SLC1A7: variants seen among roughly 807,000 people sequenced by gnomAD.
The protein encoded by SLC1A7 is solute carrier family 1 member 7.
In SLC1A7, 40 loss-of-function variants were observed where a neutral mutation model predicts 47.7. The observed-to-expected ratio is 0.84, with a 90% confidence interval of 0.65 to 1.09. SLC1A7 has a LOEUF of 1.09. Ranked by LOEUF, SLC1A7 falls within the 50% of genes least tolerant of loss-of-function variation. SLC1A7 has a pLI of 0.00. For synonymous variants in SLC1A7, 323 were observed against 325.6 expected, an observed-to-expected ratio of 0.99 and a Z score of 0.09; for missense variants, 746 against 769.5, an observed-to-expected ratio of 0.97 and a Z score of 0.36.
At chr1:53,089,662 G>T in intron 9 of SLC1A7, 138 bp downstream of exon 9, 1 of 836,856 alleles carries the variant, frequency 1.2e-6, no homozygotes, top group Non-Finnish European at 1.9e-6. Context: ...CTAATGAGTA[G>T]GGCACTCCCA....
intron 2 of SLC1A7, among the ~76,000 whole-genome samples, chr1:53,126,126 C>T (rs898922673): frequency 6.6e-6 from 1 of 152,164 alleles, no homozygotes; most frequent in Non-Finnish European, 1.5e-5. Context: ...AAGCAAACAC[C>T]AGATGAGAGC....
At position 53,142,498 on chromosome 1, in the gene SLC1A7, G is replaced by T; in HGVS notation, c.-49C>A. 1 of 1,593,750 alleles carries T rather than the reference G, an allele frequency of 6.3e-7. No homozygotes were observed. Among genetic ancestry groups the T allele is most frequent in the Non-Finnish European group, 8.5e-7 (1 of 1,170,600 alleles). On this transcript the variant is annotated 5_prime_UTR_variant, in exon 1 of 11. Transcript: ENST00000371494. ...GGGCACAGCACCATTCCACGCATGA[G>T]AGCCCGGCCGGGGGCACAGGGTCTG...
Position 53,087,903 on chromosome 1 carries a change from T to C in SLC1A7, c.*106A>G. 3.7e-6 allele frequency: 2 copies of C among 542,862 alleles called. No individual in the cohort carries two copies. The highest frequency in any genetic ancestry group is 6.2e-6 in the Non-Finnish European group (2 of 322,400). The allele number at this position is 542,862 out of a possible 1,614,324, so 33.6% of individuals were successfully genotyped here. A position where few individuals can be genotyped will look rare whatever the true frequency, so the allele number is the denominator to read the frequency against. Reference sequence around the variant, plus strand: ...TCCAGCCTCTCAAGGGTGAGAAGAATGTGTGATCCTGGCCCCTGCCGGCTG... The same window carrying C: ...TCCAGCCTCTCAAGGGTGAGAAGAACGTGTGATCCTGGCCCCTGCCGGCTG... On this transcript the variant is annotated 3_prime_UTR_variant, in exon 11 of 11. Coordinates refer to ENST00000371494, the MANE Select transcript of SLC1A7 (RefSeq NM_006671.6).
chr1:53,094,318 C>A (rs1251552871), intron 5 of SLC1A7, among the ~76,000 whole-genome samples: 1 of 152,190 alleles, frequency 6.6e-6, no homozygotes, highest in Admixed American at 6.5e-5. Context: ...CCAGCTCGCA[C>A]ACACCAGGAA....
At chr1:53,139,520 A>G (rs1645034884) in intron 1 of SLC1A7, among the ~76,000 whole-genome samples, 1 of 152,182 alleles carries the variant, frequency 6.6e-6, no homozygotes, top group Non-Finnish European at 1.5e-5. Context: ...GAGTCCCCCA[A>G]CTGAATTGGA....
At chr1:53,137,754 C>T (rs1359206008) in intron 1 of SLC1A7, among the ~76,000 whole-genome samples, 1 of 152,198 alleles carries the variant, frequency 6.6e-6, no homozygotes, top group Admixed American at 6.5e-5. Context: ...GTATTTTCTG[C>T]TCTCTCAAGC....
chr1:53,128,072 G>A (rs760569565), intron 2 of SLC1A7, among the ~76,000 whole-genome samples: 1 of 152,230 alleles, frequency 6.6e-6, no homozygotes, highest in Non-Finnish European at 1.5e-5. Flanking sequence ...AGAGAACCAG[G>A]AGATAACTGA....
chr1:53,103,148 G>T (rs1644602000), intron 5 of SLC1A7, 198 bp downstream of exon 5: 2 of 520,844 alleles, frequency 3.8e-6, no homozygotes, highest in Non-Finnish European at 3.4e-6. Context: ...CTGAGGGGGA[G>T]GTGCCAGGGG....
intron 5 of SLC1A7, among the ~76,000 whole-genome samples, chr1:53,095,995 C>CAT (rs1644484119): frequency 6.7e-6 from 1 of 149,192 alleles, no homozygotes; most frequent in Admixed American, 6.7e-5. Flanking sequence ...TACACACACA[C>CAT]CCCGCCTCAG....
At position 53,090,247 on chromosome 1, in the gene SLC1A7, C is replaced by A. The variant is rs1048483264; in HGVS notation, c.1227-313G>T. ...CTGCCCAGGGACTCTGACTGACCAC[C>A]ACATGGCTCTGCCTGCCTGCCTCTG... is the stretch of plus-strand genomic sequence containing the variant. On this transcript the variant is annotated intron_variant, in intron 8 of 10. Transcript: ENST00000371494. 2.0e-5 allele frequency: 11 copies of A among 548,190 alleles called. No individual in the cohort carries two copies. The African/African-American group carries it at 2.1e-4, about 10-fold the overall frequency. The allele number at this position is 548,190 out of a possible 1,614,324, so 34.0% of individuals were successfully genotyped here.
chr1:53,091,939 G>A, intron 7 of SLC1A7, among the ~76,000 whole-genome samples: 1 of 152,234 alleles, frequency 6.6e-6, no homozygotes, highest in East Asian at 1.9e-4. Flanking sequence ...GCACTGGGCT[G>A]AGGTTTGGGA....
rs58852734 is a variant in SLC1A7 at position 53,136,666 on chromosome 1, A to ATTTTT, written c.136-2242_136-2238dup. On this transcript the variant is annotated intron_variant, in intron 1 of 10. Transcript: ENST00000371494. The stretch of plus-strand genomic sequence containing the variant: ...ACATATATATATTATATATATATAT[A>ATTTTT]TTTTTTTTTTTTTTTTTTGAGACAA... Among the ~76,000 whole-genome samples, 153 of 105,380 alleles carry ATTTTT rather than the reference A, an allele frequency of 1.5e-3. 2 individuals carry two copies. The highest frequency in any genetic ancestry group is 5.3e-3 in the African/African-American group (137 of 25,720). 69.1% of individuals were successfully genotyped at this position (105,380 alleles called of 152,430 possible).
intron 1 of SLC1A7, among the ~76,000 whole-genome samples, chr1:53,141,056 C>A (rs537652269): frequency 6.6e-6 from 1 of 152,192 alleles, no homozygotes; most frequent in Non-Finnish European, 1.5e-5. Flanking sequence ...ATTGACAAAG[C>A]CTCTCTCCTT....
At chr1:53,117,406 T>C (rs1157340027) in intron 2 of SLC1A7, among the ~76,000 whole-genome samples, 1 of 152,134 alleles carries the variant, frequency 6.6e-6, no homozygotes, top group East Asian at 1.9e-4. Context: ...TTTGAGAAGA[T>C]CAAAGTACAC....
At chr1:53,129,457 T>G (rs1274172315) in intron 2 of SLC1A7, among the ~76,000 whole-genome samples, 3 of 94,764 alleles carry the variant, frequency 3.2e-5, no homozygotes, top group Admixed American at 1.1e-4. Context: ...CCCGCCACAT[T>G]GTGACAGATG....
At position 53,142,560 on chromosome 1, in the gene SLC1A7, G is replaced by A. The variant is rs1023701781; in HGVS notation, c.-111C>T. ...CTAGCCCCTCAGCAGGCAGGTGGTC[G>A]GAGTTGCTAAACACCAGTCGCCAGC... On this transcript the variant is annotated 5_prime_UTR_variant, in exon 1 of 11. Transcript: ENST00000371494. 18 of 1,312,198 alleles carry A rather than the reference G, an allele frequency of 1.4e-5. No individual in the cohort carries two copies. Among genetic ancestry groups the A allele is most frequent in the South Asian group, 3.0e-5 (2 of 67,114 alleles). The allele number at this position is 1,312,198 out of a possible 1,614,324, so 81.3% of individuals were successfully genotyped here. A position where few individuals can be genotyped will look rare whatever the true frequency, so the allele number is the denominator to read the frequency against.
At chr1:53,127,202 C>A (rs767277002) in intron 2 of SLC1A7, among the ~76,000 whole-genome samples, 10 of 152,154 alleles carry the variant, frequency 6.6e-5, no homozygotes, top group Non-Finnish European at 1.0e-4. Context: ...GCTGCCGCTG[C>A]CCTCTGCTGC....
At chr1:53,104,412 G>A (rs1407026030) in intron 4 of SLC1A7, among the ~76,000 whole-genome samples, 1 of 152,202 alleles carries the variant, frequency 6.6e-6, no homozygotes, top group Non-Finnish European at 1.5e-5. Flanking sequence ...AACCTGACAT[G>A]ATTTCTGCCT....
chr1:53,088,460 T>C (rs1222637237), intron 10 of SLC1A7, among the ~76,000 whole-genome samples: 1 of 152,024 alleles, frequency 6.6e-6, no homozygotes, highest in East Asian at 1.9e-4. Context: ...ATCCACAGGG[T>C]CCATCTGGGG....
Sources: gnomAD v4.1 joint callset for allele counts (sites outside exome capture counted in the v4.1 genomes callset) on GRCh38, gnomAD v4.1.1 for gene constraint, MANE v1.5 for transcripts, NCBI Gene and HGNC (gene_info 2026-07-23, HGNC 2026-07-21) for gene names.